Variants in C6orf118 observed in about 807,000 individuals in gnomAD.
C6orf118 encodes the protein uncharacterized protein C6orf118.
A neutral mutation model predicts 50.2 loss-of-function variants in C6orf118; 50 were observed. The ratio of observed to expected loss-of-function variants is 1.00; its 90% CI spans 0.79 to 1.26. C6orf118 has a LOEUF of 1.26. Ranked by LOEUF, C6orf118 falls within the 50% of genes most tolerant of loss-of-function variation. The pLI is 0.00. For synonymous variants in C6orf118, 239 were observed against 230.9 expected (o/e 1.03, Z -0.32); for missense variants, 641 against 578.7 (o/e 1.11, Z -1.10).
chr6:165,309,508 A>G lies in C6orf118; in HGVS notation c.25+54T>C, dbSNP rs1780865239. On this transcript the variant is annotated intron_variant, in intron 1 of 8. Transcript: ENST00000230301. ...GTCTTCAGAAGCCCATCCCTCCACAATTGAACATCAAGCAAATCTCACAAG... is the reference window on the plus strand; with the variant it reads ...GTCTTCAGAAGCCCATCCCTCCACAGTTGAACATCAAGCAAATCTCACAAG... 8.7e-6 allele frequency: 14 copies of G among 1,607,890 alleles called. No homozygotes were observed. The South Asian group carries it at 1.4e-4, about 16-fold the overall frequency.
intron 1 of C6orf118, among the ~76,000 whole-genome samples, chr6:165,308,930 T>C (rs1350736185): frequency 2.0e-5 from 3 of 152,248 alleles, no homozygotes; most frequent in African/African-American, 7.2e-5. Flanking sequence ...GTTTTCTCTC[T>C]GCCCAAATTT....
intron 6 of C6orf118, among the ~76,000 whole-genome samples, 184 bp from the exon 7 acceptor site, chr6:165,290,251 C>G (rs1034004411): frequency 6.6e-6 from 1 of 152,132 alleles, no homozygotes; most frequent in African/African-American, 2.4e-5. Context: ...TCCTTTAATT[C>G]ATTCCTCTAA....
At chr6:165,292,146 G>A (rs1780126303) in intron 6 of C6orf118, among the ~76,000 whole-genome samples, 1 of 152,174 alleles carries the variant, frequency 6.6e-6, no homozygotes, top group Admixed American at 6.5e-5. Flanking sequence ...AAAACCATCA[G>A]CTGAGTTCAA....
In C6orf118 at chr6:165,293,445, A is replaced by C. The variant is rs1780176517; in HGVS notation, c.1088T>G (p.Val363Gly). ...TTCCTTTGCAGACTGCAGCAATGCC[A>C]CCTCCATCTCCAGTTCACTTCTGAG... ...DRLRSELEMEVALLQSAKERS... is the reference protein window; with the variant it reads ...DRLRSELEMEGALLQSAKERS... Residue 363 changes from valine (V) to glycine (G), a missense_variant, in exon 6 of 9, where the codon GTG (valine) becomes GGG (glycine). Physicochemically the swap from Val to Gly is moderately radical, Grantham distance 109. Transcript: ENST00000230301. 1.2e-6 allele frequency: 2 copies of C among 1,613,652 alleles called. No homozygotes were observed. Among genetic ancestry groups the C allele is most frequent in the African/African-American group, 2.7e-5 (2 of 74,936 alleles).
At position 165,302,182 on chromosome 6, in the gene C6orf118, C is replaced by T. The variant is rs375226918; in HGVS notation, c.140G>A (p.Arg47Gln). 1.7e-5 allele frequency: 27 copies of T among 1,612,488 alleles called. No individual in the cohort carries two copies. The highest frequency in any genetic ancestry group is 1.9e-5 in the Non-Finnish European group (23 of 1,179,926). ...GTCCTCCCGGTGGTCTTTCTGAAGC[C>T]GATTCAGAAGTTTCTTCAGATTACA... ...TLCNLKKLLN[R>Q]LQKDHREDVY... is the part of the protein sequence containing the mutation. The change falls in exon 2 of 9, where the codon CGG becomes CAG. Residue 47 changes from arginine to glutamine, a missense_variant. By Grantham distance (43) the Arg-to-Gln change is conservative (BLOSUM62 1). Coordinates refer to ENST00000230301, the MANE Select transcript of C6orf118 (RefSeq NM_144980.4).
chr6:165,302,576 G>T (rs1780599317), intron 1 of C6orf118, among the ~76,000 whole-genome samples: 1 of 152,208 alleles, frequency 6.6e-6, no homozygotes, highest in African/African-American at 2.4e-5. Context: ...TCTTGATTTG[G>T]CAGAGTATTT....
At chr6:165,300,729 C>A (rs747059740) in intron 2 of C6orf118, among the ~76,000 whole-genome samples, 2 of 152,016 alleles carry the variant, frequency 1.3e-5, no homozygotes, top group Admixed American at 1.3e-4. Flanking sequence ...CTCCCTTGCT[C>A]CCCGTGCTCA....
At chr6:165,301,265 C>T (rs57314405) in intron 2 of C6orf118, among the ~76,000 whole-genome samples, 6,300 of 149,128 alleles carry the variant, frequency 0.042, 498 homozygotes, top group African/African-American at 0.15. Context: ...GTCCCTGACC[C>T]AGAGCACTGC....
At position 165,279,804 on chromosome 6, in the gene C6orf118, T is replaced by A; in HGVS notation, c.*253A>T. On this transcript the variant is annotated 3_prime_UTR_variant, in exon 9 of 9. Coordinates refer to ENST00000230301, the MANE Select transcript of C6orf118 (RefSeq NM_144980.4). ...AAAAGTATTTTCCAAAGTTGAACAT[T>A]ATTAAATGAAAGTAAAACATACGTT... The A allele has an allele frequency of 5.4e-6, 2 of 369,166 alleles. No homozygotes were observed. Among genetic ancestry groups the A allele is most frequent in the Non-Finnish European group, 9.6e-6 (2 of 208,956 alleles). 22.9% of individuals were successfully genotyped at this position (369,166 alleles called of 1,614,324 possible).
At chr6:165,282,343 G>A (rs1582997844) in intron 7 of C6orf118, among the ~76,000 whole-genome samples, 1 of 152,146 alleles carries the variant, frequency 6.6e-6, no homozygotes, top group East Asian at 1.9e-4. Flanking sequence ...AATAATGATG[G>A]GCAGAGGGTA....
chr6:165,296,032 G>T (rs1409670987), intron 5 of C6orf118, among the ~76,000 whole-genome samples: 12 of 151,284 alleles, frequency 7.9e-5, no homozygotes, highest in Admixed American at 4.6e-4. Context: ...AGTGGCTTTG[G>T]AACAATTTTA....
At chr6:165,282,700 T>C (rs1183461310) in intron 7 of C6orf118, among the ~76,000 whole-genome samples, 1 of 147,826 alleles carries the variant, frequency 6.8e-6, no homozygotes, top group East Asian at 2.0e-4. Flanking sequence ...TAGAACCAGA[T>C]ACCAATTACA....
Position 165,290,336 on chromosome 6 carries a change from TTTCCAGAG to T in C6orf118, c.1121-277_1121-270del, listed in dbSNP as rs575295471. Among the ~76,000 whole-genome samples, 270 of 152,194 alleles carry T rather than the reference TTTCCAGAG, an allele frequency of 1.8e-3. 1 individual carries two copies. Among genetic ancestry groups the T allele is most frequent in the African/African-American group, 6.3e-3 (261 of 41,526 alleles). On this transcript the variant is annotated intron_variant, in intron 6 of 8. Coordinates refer to ENST00000230301, the MANE Select transcript of C6orf118 (RefSeq NM_144980.4). ...GAAAGGTTCAATGGTGAATTAGCCC[TTTCCAGAG>T]TGTGTGATTTAGCAGTGCAGACCAA...
intron 7 of C6orf118, among the ~76,000 whole-genome samples, chr6:165,284,505 C>T (rs903943914): frequency 3.3e-5 from 5 of 151,918 alleles, no homozygotes; most frequent in Admixed American, 6.6e-5. Context: ...GAAGATTAAC[C>T]CCAATATACA....
In C6orf118 at chr6:165,298,078, C is replaced by T. The variant is rs761856449; in HGVS notation, c.960G>A (p.Ala320=). ...QYEALLAQLK[A]LGQRPVKTAD... is the part of the protein sequence containing the mutation. ...CCGTCTTCACCGGCCTCTGCCCCAG[C>T]GCCTTGAGTTGAGCCAGAAGAGCCT... Residue 320 remains alanine (A), a synonymous_variant, in exon 5 of 9, where the codon GCG becomes GCA. Coordinates refer to ENST00000230301, the MANE Select transcript of C6orf118 (RefSeq NM_144980.4). The T allele has an allele frequency of 6.5e-5, 104 of 1,607,538 alleles. No individual in the cohort carries two copies. Among genetic ancestry groups the T allele is most frequent in the Non-Finnish European group, 8.2e-5 (97 of 1,177,076 alleles).
intron 1 of C6orf118, among the ~76,000 whole-genome samples, chr6:165,307,200 C>T (rs1780766925): frequency 9.1e-6 from 1 of 109,404 alleles, no homozygotes; most frequent in Non-Finnish European, 1.8e-5. Context: ...GGAAATGTAT[C>T]CATCCCCCCA....
At chr6:165,294,913 A>G (rs896252775) in intron 5 of C6orf118, among the ~76,000 whole-genome samples, 3 of 152,158 alleles carry the variant, frequency 2.0e-5, no homozygotes, top group African/African-American at 7.2e-5. Flanking sequence ...CTGGGGATTC[A>G]ATGGATTAAT....
chr6:165,307,568 AAT>A lies in C6orf118; in HGVS notation c.25+1992_25+1993del, dbSNP rs57903621. Reference sequence around the variant, plus strand: ...GTGAGACTGCCTCAAAAAAAAAAAAAATTTTTTTTAATCACTGTCCCATGTTG... The same window carrying A: ...GTGAGACTGCCTCAAAAAAAAAAAAATTTTTTTAATCACTGTCCCATGTTG... On this transcript the variant is annotated intron_variant, in intron 1 of 8. Coordinates refer to ENST00000230301, the MANE Select transcript of C6orf118 (RefSeq NM_144980.4). Among the ~76,000 whole-genome samples the A allele has an allele frequency of 8.1e-3, 1,171 of 144,002 alleles. 18 individuals carry two copies. The highest frequency in any genetic ancestry group is 0.03 in the African/African-American group (1,111 of 36,472). The allele number at this position is 144,002 out of a possible 152,430, so 94.5% of individuals were successfully genotyped here.
intron 1 of C6orf118, among the ~76,000 whole-genome samples, chr6:165,307,871 C>T (rs547778088): frequency 2.0e-5 from 3 of 152,322 alleles, no homozygotes; most frequent in Admixed American, 1.3e-4. Context: ...GAACTCGTTG[C>T]AGAACTCACA....
Sources: allele counts gnomAD v4.1 joint callset (sites outside exome capture counted in the v4.1 genomes callset), GRCh38; gene constraint gnomAD v4.1.1; transcripts MANE v1.5; gene names NCBI Gene and HGNC (gene_info 2026-07-23, HGNC 2026-07-21).